PCDHGA4: variants seen among roughly 807,000 people sequenced by gnomAD.
The protein encoded by PCDHGA4 is protocadherin gamma-A4.
In PCDHGA4, 38 loss-of-function variants were observed where a neutral mutation model predicts 54.6. That is an observed-to-expected ratio of 0.70 (90% CI 0.54 to 0.91). The LOEUF (loss-of-function observed/expected upper bound fraction) is 0.91. Among genes scored for constraint, PCDHGA4 ranks in the 40% least tolerant of loss-of-function variants. The pLI is 0.00. For synonymous variants in PCDHGA4, 511 were observed against 512.9 expected, an observed-to-expected ratio of 1.00 and a Z score of 0.05; for missense variants, 1,298 against 1,220.9, an observed-to-expected ratio of 1.06 and a Z score of -0.94.
In PCDHGA4 at chr5:141,355,083, G is replaced by A; in HGVS notation, c.-25G>A. 1 of 1,436,492 alleles carries A rather than the reference G, an allele frequency of 7.0e-7. No individual in the cohort carries two copies. Among genetic ancestry groups the A allele is most frequent in the South Asian group, 1.5e-5 (1 of 68,402 alleles). 89.0% of individuals were successfully genotyped at this position (1,436,492 alleles called of 1,614,324 possible). The stretch of plus-strand genomic sequence containing the variant: ...TGGAGCTTTATGAAAGCTTCAAGCG[G>A]AAGCCCTGAGAGCTCTGGCTGTGAA... On this transcript the variant is annotated 5_prime_UTR_variant, in exon 1 of 4. Transcript: ENST00000571252.
intron 1 of PCDHGA4, chr5:141,419,935 G>T: frequency 6.2e-7 from 1 of 1,614,070 alleles, no homozygotes; most frequent in Non-Finnish European, 8.5e-7. Flanking sequence ...AGTTTTACCT[G>T]GTGGTGGCCT....
chr5:141,404,948 G>C, intron 1 of PCDHGA4: 2 of 1,613,956 alleles, frequency 1.2e-6, no homozygotes, highest in Non-Finnish European at 1.7e-6. Context: ...AGCCATAGCT[G>C]ACAGCATCCC....
At position 141,487,100 on chromosome 5, in the gene PCDHGA4, C is replaced by T. The variant is rs183291629; in HGVS notation, c.2515-7707C>T. On this transcript the variant is annotated intron_variant, in intron 1 of 3. Coordinates refer to ENST00000571252, the MANE Select transcript of PCDHGA4 (RefSeq NM_018917.4). The surrounding 1 kb of genome is among the most constrained non-coding windows in gnomAD (Gnocchi z 5.0). ...CCCAGCTGACCTCCCACCACAGAAG[C>T]TGGTCATTGTGGTAAAGGATAGTGG... The T allele has an allele frequency of 5.6e-4, 909 of 1,614,074 alleles. 2 individuals carry two copies. Among genetic ancestry groups the T allele is most frequent in the Non-Finnish European group, 1.4e-4 (168 of 1,179,960 alleles).
At chr5:141,413,648 TC>T in intron 1 of PCDHGA4, 1 of 1,613,820 alleles carries the variant, frequency 6.2e-7, no homozygotes, top group Non-Finnish European at 8.5e-7. Context: ...CGTTTTCCTC[TC>T]CCGGAAGCTA....
At chr5:141,398,764 A>G in intron 1 of PCDHGA4, 2 of 1,613,924 alleles carry the variant, frequency 1.2e-6, no homozygotes, top group East Asian at 4.5e-5. Context: ...TTTAGTCCTG[A>G]CTGCCTTGGA....
intron 1 of PCDHGA4, among the ~76,000 whole-genome samples, chr5:141,492,409 C>A (rs1367119266): frequency 6.6e-6 from 1 of 152,230 alleles, no homozygotes; most frequent in Non-Finnish European, 1.5e-5. Flanking sequence ...TCCCCTCTGC[C>A]GCTCCCTCCG....
In PCDHGA4 at chr5:141,487,260, C is replaced by T; in HGVS notation, c.2515-7547C>T. 6.2e-7 allele frequency: 1 copy of T among 1,614,116 alleles called. No homozygotes were observed. The highest frequency in any genetic ancestry group is 1.1e-5 in the South Asian group (1 of 91,080). On this transcript the variant is annotated intron_variant, in intron 1 of 3. Coordinates refer to ENST00000571252, the MANE Select transcript of PCDHGA4 (RefSeq NM_018917.4). The surrounding 1 kb of genome is among the most constrained non-coding windows in gnomAD (Gnocchi z 5.0). ...CGTCTAACCCTCTACTTGGCTGTGT[C>T]CCTAGTGGCAATTTGCTTTGTCTCC...
At chr5:141,374,286 C>G (rs778269128) in intron 1 of PCDHGA4, 1 of 1,613,980 alleles carries the variant, frequency 6.2e-7, no homozygotes, top group East Asian at 2.2e-5. Flanking sequence ...CGCATCGTCT[C>G]CAGAGGTAGG....
intron 1 of PCDHGA4, chr5:141,383,993 T>C: frequency 2.5e-6 from 4 of 1,613,872 alleles, no homozygotes; most frequent in Non-Finnish European, 3.4e-6. Context: ...CTTGGGACAG[T>C]CATTGCTCTT....
At chr5:141,382,300 A>C (rs1428266380) in intron 1 of PCDHGA4, among the ~76,000 whole-genome samples, 1 of 152,240 alleles carries the variant, frequency 6.6e-6, no homozygotes, top group Non-Finnish European at 1.5e-5. Flanking sequence ...AATTAATTAA[A>C]ATTTATATAC....
At chr5:141,421,229 T>C (rs776952658) in intron 1 of PCDHGA4, 3 of 1,589,662 alleles carry the variant, frequency 1.9e-6, no homozygotes, top group South Asian at 1.1e-5. Flanking sequence ...GAGCCTGCCA[T>C]GGCGAATCGG....
chr5:141,365,012 A>G (rs1309716907), intron 1 of PCDHGA4: 2 of 1,613,794 alleles, frequency 1.2e-6, no homozygotes, highest in African/African-American at 2.7e-5. Context: ...CACCACGCAC[A>G]TCCGTGTTAC....
chr5:141,423,755 G>GGGA, intron 1 of PCDHGA4: 3 of 512,508 alleles, frequency 5.9e-6, no homozygotes, highest in Non-Finnish European at 7.8e-6. Flanking sequence ...CTGTTTGGGG[G>GGGA]GGGGGTGGGG....
At chr5:141,407,214 G>C (rs1230787104) in intron 1 of PCDHGA4, among the ~76,000 whole-genome samples, 2 of 152,146 alleles carry the variant, frequency 1.3e-5, no homozygotes, top group South Asian at 2.1e-4. Context: ...TCCCCCTTAA[G>C]TGGGTAGCAA....
chr5:141,450,092 C>T (rs761677942), intron 1 of PCDHGA4, among the ~76,000 whole-genome samples: 2 of 148,672 alleles, frequency 1.3e-5, no homozygotes, highest in Non-Finnish European at 3.0e-5. Flanking sequence ...CTGCAACCTC[C>T]GCCTCCCAGG....
At position 141,490,908 on chromosome 5, in the gene PCDHGA4, C is replaced by G; in HGVS notation, c.2515-3899C>G. On this transcript the variant is annotated intron_variant, in intron 1 of 3. Transcript: ENST00000571252. This position sits in a 1 kb window ranked among gnomAD's most constrained non-coding sequence, Gnocchi z 5.4. ...CATCTCTGCATGTGTTTGTCCTAGA[C>G]GAGAATGATAATGCCCCAGCTGTGC... The G allele has an allele frequency of 6.2e-7, 1 of 1,613,710 alleles. No individual in the cohort carries two copies. Among genetic ancestry groups the G allele is most frequent in the Non-Finnish European group, 8.5e-7 (1 of 1,179,754 alleles).
At position 141,493,482 on chromosome 5, in the gene PCDHGA4, G is replaced by A. The variant is rs184736387; in HGVS notation, c.2515-1325G>A. ...TTTTAGGACCTTACATGTGGGGAAA[G>A]TCTTCTGTGGCTCCTCATTTCTGAG... On this transcript the variant is annotated intron_variant, in intron 1 of 3. Coordinates refer to ENST00000571252, the MANE Select transcript of PCDHGA4 (RefSeq NM_018917.4). This position sits in a 1 kb window ranked among gnomAD's most constrained non-coding sequence, Gnocchi z 4.3. Among the ~76,000 whole-genome samples the A allele has an allele frequency of 1.5e-3, 229 of 152,324 alleles. No homozygotes were observed. Among genetic ancestry groups the A allele is most frequent in the Non-Finnish European group, 2.2e-3 (147 of 68,030 alleles).
chr5:141,374,491 A>G (rs749520440), intron 1 of PCDHGA4: 1 of 1,611,464 alleles, frequency 6.2e-7, no homozygotes, highest in Non-Finnish European at 8.5e-7. Context: ...TCTTAAAGGA[A>G]GAATTGGAAG....
chr5:141,357,106 GAC>G lies in PCDHGA4; in HGVS notation c.2000_2001del (p.Asp667GlyfsTer38). 1 of 1,613,886 alleles carries G rather than the reference GAC, an allele frequency of 6.2e-7. No individual in the cohort carries two copies. Among genetic ancestry groups the G allele is most frequent in the Non-Finnish European group, 8.5e-7 (1 of 1,179,946 alleles). ...CACCGCACGGGCCCTGCTGGACAGA[GAC>G]GCGCTCAAGCAGAGGCTTGTAGTGG... ...VRTARALLDR[D>X]ALKQRLVVVV... On this transcript the variant is annotated frameshift_variant, in exon 1 of 4. Transcript: ENST00000571252. LOFTEE classifies it high-confidence loss of function.
Sources: gnomAD v4.1 joint callset for allele counts (sites outside exome capture counted in the v4.1 genomes callset) on GRCh38, gnomAD v4.1.1 for gene constraint, Gnocchi (gnomAD v3.1) non-coding constraint, MANE v1.5 for transcripts, NCBI Gene and HGNC (gene_info 2026-07-23, HGNC 2026-07-21) for gene names.